The following UGT2A1 variants were observed in gnomAD, a reference collection of about 807,000 sequenced individuals.
The protein encoded by UGT2A1 is UDP-glucuronosyltransferase 2A1.
In UGT2A1, 61 loss-of-function variants were observed where a neutral mutation model predicts 45.4. That is an observed-to-expected ratio of 1.34 (90% CI 1.09 to 1.66). The LOEUF is 1.66. Among genes scored for constraint, UGT2A1 ranks in the 40% most tolerant of loss-of-function variants. The pLI is 0.00. For synonymous variants in UGT2A1, 229 were observed against 196.2 expected, an observed-to-expected ratio of 1.17 and a Z score of -1.40; for missense variants, 649 against 574.3, an observed-to-expected ratio of 1.13 and a Z score of -1.33.
At chr4:69,598,387 TCTATTTTG>T (rs1187402383) in intron 4 of UGT2A1, among the ~76,000 whole-genome samples, 1 of 152,158 alleles carries the variant, frequency 6.6e-6, no homozygotes, top group Admixed American at 6.5e-5. Context: ...GTACCTGTAC[TCTATTTTG>T]CTTCTCAACA....
intron 3 of UGT2A1, 116 bp from the exon 4 acceptor site, chr4:69,599,510 T>C: frequency 7.1e-7 from 1 of 1,410,752 alleles, no homozygotes; most frequent in South Asian, 1.4e-5. Flanking sequence ...AATTAGGTCT[T>C]CTAGAATACT....
rs1718397879 is a variant in UGT2A1, at chr4:69,588,713, A to G, written c.*659T>C. 1 of 152,096 alleles carries G rather than the reference A, an allele frequency of 6.6e-6. No individual in the cohort carries two copies. The highest frequency in any genetic ancestry group is 1.5e-5 in the Non-Finnish European group (1 of 68,008). 9.4% of individuals were successfully genotyped at this position (152,096 alleles called of 1,614,324 possible). ...AAAGACAGTACCCAAATCTTCCACT[A>G]CAGGTTATATAAGAATATATGTTGA... On this transcript the variant is annotated 3_prime_UTR_variant, in exon 7 of 7. Transcript: ENST00000286604.
intron 3 of UGT2A1, among the ~76,000 whole-genome samples, chr4:69,631,918 CAG>C (rs901381015): frequency 2.9e-4 from 44 of 152,128 alleles, no homozygotes; most frequent in African/African-American, 1.0e-3. Flanking sequence ...CAAGAAAAGA[CAG>C]AAAATATCTA....
intron 3 of UGT2A1, among the ~76,000 whole-genome samples, chr4:69,602,154 A>G (rs1209001052): frequency 7.3e-6 from 1 of 136,200 alleles, no homozygotes; most frequent in Non-Finnish European, 1.6e-5. Context: ...AAAACTGAAA[A>G]GTAGATAAGT....
chr4:69,596,112 C>T, intron 4 of UGT2A1: 1 of 1,237,184 alleles, frequency 8.1e-7, no homozygotes, highest in African/African-American at 1.5e-5. Context: ...TAATATATTA[C>T]ACAACGTTAC....
At chr4:69,616,271 A>G (rs1720376483) in intron 3 of UGT2A1, among the ~76,000 whole-genome samples, 1 of 151,974 alleles carries the variant, frequency 6.6e-6, no homozygotes, top group South Asian at 2.1e-4. Flanking sequence ...GGGCATGATT[A>G]ATAGCTACAA....
rs961186345 is a variant in UGT2A1, at chr4:69,636,440, T to G, written c.716-618A>C. 3.3e-5 allele frequency among the ~76,000 whole-genome samples: 5 copies of G among 152,184 alleles called. No individual in the cohort carries two copies. The East Asian group carries it at 9.6e-4, about 29-fold the overall frequency. The stretch of plus-strand genomic sequence containing the variant: ...AATATTCAAGGCAGTTATTTGTTGT[T>G]CAAATTATGTTCAGTAACATGAGAA... On this transcript the variant is annotated intron_variant, in intron 2 of 6. Coordinates refer to ENST00000286604, the MANE Select transcript of UGT2A1 (RefSeq NM_001252275.3).
intron 2 of UGT2A1, among the ~76,000 whole-genome samples, chr4:69,645,397 T>C (rs1361198412): frequency 1.3e-5 from 2 of 151,878 alleles, no homozygotes; most frequent in East Asian, 3.9e-4. Context: ...AATTTAGTCC[T>C]TTTAGTAGCC....
intron 3 of UGT2A1, among the ~76,000 whole-genome samples, chr4:69,609,373 T>G (rs1719891763): frequency 6.6e-6 from 1 of 152,044 alleles, no homozygotes; most frequent in East Asian, 1.9e-4. Flanking sequence ...TTTTTGTTTG[T>G]TTGTGTTGTA....
intron 1 of UGT2A1, among the ~76,000 whole-genome samples, chr4:69,651,715 C>T (rs924113300): frequency 6.6e-6 from 1 of 152,168 alleles, no homozygotes; most frequent in African/African-American, 2.4e-5. Flanking sequence ...TAATTGAATG[C>T]AGATGCCAGA....
intron 2 of UGT2A1, chr4:69,638,810 T>G: frequency 7.1e-7 from 1 of 1,416,634 alleles, no homozygotes; most frequent in South Asian, 1.5e-5. Flanking sequence ...CAGCTCAGCA[T>G]ATGCAGTGGA....
rs765360035 is a variant in UGT2A1, at chr4:69,606,058, CCTT to C, written c.848-6667_848-6665del. Among the ~76,000 whole-genome samples, 5 of 136,926 alleles carry C rather than the reference CCTT, an allele frequency of 3.7e-5. 1 individual carries two copies. The highest frequency in any genetic ancestry group is 7.8e-5 in the Non-Finnish European group (5 of 64,346). 89.8% of individuals were successfully genotyped at this position (136,926 alleles called of 152,430 possible). A position where few individuals can be genotyped will look rare whatever the true frequency, so the allele number is the denominator to read the frequency against. On this transcript the variant is annotated intron_variant, in intron 3 of 6. Transcript: ENST00000286604. ...AAGCAATAGAAAAAGAGGGAATCCT[CCTT>C]AAATCATTTTATGAGTCCAGCATCA...
At chr4:69,617,377 G>T (rs1388774072) in intron 3 of UGT2A1, among the ~76,000 whole-genome samples, 1 of 151,772 alleles carries the variant, frequency 6.6e-6, no homozygotes, top group East Asian at 1.9e-4. Context: ...TAAAAATAAA[G>T]TTCATTTAGA....
chr4:69,621,205 A>G, intron 3 of UGT2A1, among the ~76,000 whole-genome samples: 1 of 152,018 alleles, frequency 6.6e-6, no homozygotes, highest in East Asian at 1.9e-4. Flanking sequence ...TCAACAGTAA[A>G]CAGACAATCT....
At chr4:69,608,782 G>T (rs1051739994) in intron 3 of UGT2A1, among the ~76,000 whole-genome samples, 1 of 151,906 alleles carries the variant, frequency 6.6e-6, no homozygotes, top group African/African-American at 2.4e-5. Flanking sequence ...TGCAACCTCT[G>T]CCTCCTGGGT....
Position 69,647,261 on chromosome 4 carries a change from G to T in UGT2A1, c.384C>A (p.Gly128=), listed in dbSNP as rs1404918812. 13 of 1,613,310 alleles carry T rather than the reference G, an allele frequency of 8.1e-6. No individual in the cohort carries two copies. The highest frequency in any genetic ancestry group is 1.1e-5 in the Non-Finnish European group (13 of 1,179,502). ...FHMVSQEICD[G]VLKNQQLMAK... ...CCATCAGCTGTTGGTTTTTAAGAAC[G>T]CCATCACAGATCTCCTGAGACACCA... is the stretch of plus-strand genomic sequence containing the variant. The change falls in exon 2 of 7, where the codon GGC becomes GGA. Residue 128 remains glycine, a synonymous_variant. Transcript: ENST00000286604.
intron 3 of UGT2A1, among the ~76,000 whole-genome samples, chr4:69,614,538 A>T (rs369103047): frequency 1.3e-5 from 2 of 152,054 alleles, no homozygotes; most frequent in East Asian, 1.9e-4. Context: ...AAAAGAACAA[A>T]GTTGGAGGAA....
At chr4:69,618,674 G>T (rs555039169) in intron 3 of UGT2A1, among the ~76,000 whole-genome samples, 10 of 151,772 alleles carry the variant, frequency 6.6e-5, no homozygotes, top group African/African-American at 1.9e-4. Flanking sequence ...ATTCAACTTT[G>T]GTTAAAATTT....
At chr4:69,600,409 C>T (rs1719210418) in intron 3 of UGT2A1, among the ~76,000 whole-genome samples, 1 of 152,148 alleles carries the variant, frequency 6.6e-6, no homozygotes, top group Non-Finnish European at 1.5e-5. Flanking sequence ...GTTGAGAGAG[C>T]TCCCAACTGA....
Sources: gnomAD v4.1 joint callset for allele counts (sites outside exome capture counted in the v4.1 genomes callset) on GRCh38, gnomAD v4.1.1 for gene constraint, MANE v1.5 for transcripts, NCBI Gene and HGNC (gene_info 2026-07-23, HGNC 2026-07-21) for gene names.